Variants in DUOX1 observed in about 807,000 individuals in gnomAD.
DUOX1 encodes the protein dual oxidase 1.
Under a neutral mutation model 181.8 loss-of-function variants are expected in DUOX1, and 134 were observed. The observed-to-expected ratio is 0.74, with a 90% CI of 0.64 to 0.85. The LOEUF (loss-of-function observed/expected upper bound fraction) is 0.85, where lower values mean the gene tolerates loss of function less well. DUOX1 is among the 40% of genes least tolerant of loss of function. DUOX1 has a pLI of 0.00. For synonymous variants in DUOX1, 798 were observed against 832.5 expected, an observed-to-expected ratio of 0.96 and a Z score of 0.71; for missense variants, 1,814 against 2,064.4, an observed-to-expected ratio of 0.88 and a Z score of 2.35.
At chr15:45,143,015 C>T (rs935132126) in intron 15 of DUOX1, among the ~76,000 whole-genome samples, 175 bp from the exon 16 acceptor site, 2 of 152,006 alleles carry the variant, frequency 1.3e-5, no homozygotes, top group African/African-American at 2.4e-5. Context: ...CCCAAAGCTC[C>T]CCATGGGATG....
At chr15:45,144,747 T>C in intron 17 of DUOX1, 148 bp from the exon 18 acceptor site, 1 of 818,382 alleles carries the variant, frequency 1.2e-6, no homozygotes, top group Non-Finnish European at 1.9e-6. Context: ...CACTTAACCC[T>C]ACTGAGCCCC....
At position 45,163,897 on chromosome 15, in the gene DUOX1, C is replaced by T; in HGVS notation, c.4512C>T (p.Ser1504=). The change falls in exon 33 of 34, where the codon TCC becomes TCT. Residue 1504 remains serine, a synonymous_variant. Coordinates refer to ENST00000389037, the MANE Select transcript of DUOX1 (RefSeq NM_175940.3). ...CCCCCTTTGAGCCCTTCTTCAACTC[C>T]CTGCAGGAGGTCCACCCCCAGGTCA... is the stretch of plus-strand genomic sequence containing the variant. ...GRPPFEPFFN[S]LQEVHPQVRK... 1.9e-6 allele frequency: 3 copies of T among 1,614,128 alleles called. No individual in the cohort carries two copies. The highest frequency in any genetic ancestry group is 2.5e-6 in the Non-Finnish European group (3 of 1,179,996).
intron 23 of DUOX1, 38 bp downstream of exon 23, chr15:45,151,286 C>G: frequency 6.2e-7 from 1 of 1,603,532 alleles, no homozygotes; most frequent in Non-Finnish European, 8.5e-7. Flanking sequence ...GGCAGTTCAT[C>G]CATTCCTTCA....
rs756733268 is a variant in DUOX1, at chr15:45,151,077, G to A, written c.2889-46G>A. 5 of 1,609,162 alleles carry A rather than the reference G, an allele frequency of 3.1e-6. No individual in the cohort carries two copies. In the African/African-American group the frequency reaches 5.3e-5, roughly 17 times the overall value. ...GCAGACCAGGATAGCAGAGGAACGAGTGGTTGAGATGGCCAGCATCCTATC... is the reference window on the plus strand; with the variant it reads ...GCAGACCAGGATAGCAGAGGAACGAATGGTTGAGATGGCCAGCATCCTATC... On this transcript the variant is annotated intron_variant, in intron 22 of 33. Transcript: ENST00000389037.
chr15:45,133,462 G>A (rs766777854), intron 2 of DUOX1, among the ~76,000 whole-genome samples: 3 of 152,132 alleles, frequency 2.0e-5, no homozygotes, highest in Non-Finnish European at 4.4e-5. Context: ...CTTGCTCTGT[G>A]TGGTGTCTTA....
chr15:45,134,963 C>G (rs549438731), intron 4 of DUOX1, 141 bp from the exon 5 acceptor site: 2 of 889,618 alleles, frequency 2.2e-6, no homozygotes, highest in East Asian at 5.6e-5. Context: ...GGAGGGAGTG[C>G]CTAAGGTCAG....
In DUOX1 at chr15:45,135,605, G is replaced by A. The variant is rs1896288401; in HGVS notation, c.627G>A (p.Ser209=). The A allele has an allele frequency of 9.0e-6, 14 of 1,563,070 alleles. No homozygotes were observed. The highest frequency in any genetic ancestry group is 2.2e-4 in the Middle Eastern group (1 of 4,476). The change falls in exon 6 of 34, where the codon TCG becomes TCA. Residue 209 remains serine (S), a synonymous_variant. Transcript: ENST00000389037. ...CCGACCCCGCTTTTCCCCGAGACTC[G>A]CAGAACCCCCTGCTCATGTGGGCGG... The part of the protein sequence containing the change: ...SGPDPAFPRD[S]QNPLLMWAAP...
At chr15:45,133,970 T>C in intron 3 of DUOX1, 23 bp downstream of exon 3, 1 of 1,612,484 alleles carries the variant, frequency 6.2e-7, no homozygotes, top group Non-Finnish European at 8.5e-7. Flanking sequence ...CAAGTGGGGA[T>C]AGAACCCCAG....
At position 45,151,991 on chromosome 15, in the gene DUOX1, C is replaced by T. The variant is rs1896818566; in HGVS notation, c.3132C>T (p.His1044=). 6.2e-7 allele frequency: 1 copy of T among 1,614,176 alleles called. No homozygotes were observed. Among genetic ancestry groups the T allele is most frequent in the Non-Finnish European group, 8.5e-7 (1 of 1,180,026 alleles). ...GCTTCATTGAGAACTACCGGCGCCA[C>T]ATCGGCTGCGTGGCCGTGTTCTACG... ...FKRFIENYRR[H]IGCVAVFYAI... is the part of the protein sequence containing the mutation. The change falls in exon 24 of 34, where the codon CAC becomes CAT. Residue 1044 remains histidine, a synonymous_variant. Transcript: ENST00000389037.
intron 15 of DUOX1, among the ~76,000 whole-genome samples, chr15:45,142,805 G>GGAAGGAAGGAAGGAAGGAAGGAAGTA (rs1896541857): frequency 7.5e-6 from 1 of 133,826 alleles, no homozygotes; most frequent in African/African-American, 3.2e-5. Context: ...GGAAGGGAGG[G>GGAAGGAAGGAAGGAAGGAAGGAAGTA]AGGAAGAGCA....
intron 18 of DUOX1, among the ~76,000 whole-genome samples, chr15:45,145,559 C>T (rs775137286): frequency 1.3e-5 from 2 of 152,206 alleles, no homozygotes; most frequent in Non-Finnish European, 2.9e-5. Flanking sequence ...CTTGAGTCCA[C>T]AGCTGGCACA....
At chr15:45,162,723 G>A (rs1484956160) in intron 31 of DUOX1, among the ~76,000 whole-genome samples, 1 of 152,258 alleles carries the variant, frequency 6.6e-6, no homozygotes, top group Non-Finnish European at 1.5e-5. Flanking sequence ...CCAGCACTTG[G>A]AGCCTTATTG....
Position 45,141,276 on chromosome 15 carries a change from A to G in DUOX1, c.1566-16A>G, listed in dbSNP as rs141990433. Reference sequence around the variant, plus strand: ...TCCCCTTCCCATCCCAGTGACTTCTACTTACTCCAACTTAGGCTGTTCTCC... The same window carrying G: ...TCCCCTTCCCATCCCAGTGACTTCTGCTTACTCCAACTTAGGCTGTTCTCC... On this transcript the variant is annotated splice_polypyrimidine_tract_variant and intron_variant, in intron 13 of 33. Transcript: ENST00000389037. The G allele has an allele frequency of 1.5e-5, 24 of 1,613,458 alleles. No homozygotes were observed. In the African/African-American group the frequency reaches 2.7e-4, roughly 18 times the overall value.
At position 45,143,324 on chromosome 15, in the gene DUOX1, G is replaced by T. The variant is rs749582258; in HGVS notation, c.1936+21G>T. The T allele has an allele frequency of 8.1e-6, 13 of 1,600,964 alleles. No individual in the cohort carries two copies. In the East Asian group the frequency reaches 2.7e-4, roughly 33 times the overall value. ...GGAAGGTAGGTCTAGGGCTGGCCAG[G>T]GTGGTGGTAGGGAGGACATGGCTCA... On this transcript the variant is annotated intron_variant, in intron 16 of 33. Coordinates refer to ENST00000389037, the MANE Select transcript of DUOX1 (RefSeq NM_175940.3).
At position 45,141,237 on chromosome 15, in the gene DUOX1, G is replaced by C; in HGVS notation, c.1566-55G>C. Reference sequence around the variant, plus strand: ...CACCTGGGTCCTTGGGCCTGGGGTTGCTGGAGGCCTGCATCCCCTTCCCAT... The same window carrying C: ...CACCTGGGTCCTTGGGCCTGGGGTTCCTGGAGGCCTGCATCCCCTTCCCAT... On this transcript the variant is annotated intron_variant, in intron 13 of 33. Coordinates refer to ENST00000389037, the MANE Select transcript of DUOX1 (RefSeq NM_175940.3). 6.9e-6 allele frequency: 11 copies of C among 1,598,918 alleles called. No homozygotes were observed. In the South Asian group the frequency reaches 1.2e-4, roughly 18 times the overall value.
At position 45,143,305 on chromosome 15, in the gene DUOX1, T is replaced by C. The variant is rs1247862911; in HGVS notation, c.1936+2T>C. ...AGAAGCTCGTGGGAGGCATGGAAGG[T>C]AGGTCTAGGGCTGGCCAGGGTGGTG... On this transcript the variant is annotated splice_donor_variant, in intron 16 of 33. Transcript: ENST00000389037. LOFTEE classifies it high-confidence loss of function. 1 of 1,612,846 alleles carries C rather than the reference T, an allele frequency of 6.2e-7. No homozygotes were observed. The highest frequency in any genetic ancestry group is 1.1e-5 in the South Asian group (1 of 91,022).
chr15:45,160,268 G>C (rs1019709229), intron 28 of DUOX1, among the ~76,000 whole-genome samples: 9 of 152,116 alleles, frequency 5.9e-5, no homozygotes, highest in African/African-American at 2.2e-4. Context: ...TTTCTACTGA[G>C]ACCTGAAAAA....
At position 45,142,055 on chromosome 15, in the gene DUOX1, G is replaced by C; in HGVS notation, c.1765G>C (p.Glu589Gln). ...CAPSVVRDYF[E>Q]GSGFGFGVTI... ...TCCCTCTGTTGTTCGTGACTATTTT[G>C]AGGGCAGTGGATTTGGCTTCGGGGT... Residue 589 changes from glutamate to glutamine, a missense_variant, in exon 15 of 34, where the codon GAG becomes CAG. Glu to Gln is a conservative substitution (Grantham distance 29). This residue lies in a region of DUOX1 where 1,064 missense variants were observed against 1,152.9 expected (regional missense o/e 0.92). Coordinates refer to ENST00000389037, the MANE Select transcript of DUOX1 (RefSeq NM_175940.3). The C allele has an allele frequency of 6.2e-7, 1 of 1,614,060 alleles. No individual in the cohort carries two copies. The highest frequency in any genetic ancestry group is 8.5e-7 in the Non-Finnish European group (1 of 1,180,026).
At chr15:45,136,779 A>T (rs1896330134) in intron 9 of DUOX1, among the ~76,000 whole-genome samples, 154 bp downstream of exon 9, 1 of 152,196 alleles carries the variant, frequency 6.6e-6, no homozygotes, top group South Asian at 2.1e-4. Flanking sequence ...TTGTTTTAAA[A>T]GATACATCAC....
Sources: allele counts gnomAD v4.1 joint callset (sites outside exome capture counted in the v4.1 genomes callset), GRCh38; gene constraint gnomAD v4.1.1; regional missense constraint gnomAD v4.1.1; transcripts MANE v1.5; gene names NCBI Gene and HGNC (gene_info 2026-07-23, HGNC 2026-07-21).